The following HADHA variants were observed in gnomAD, a reference collection of about 807,000 sequenced individuals.
The protein encoded by HADHA is hydroxyacyl-CoA dehydrogenase trifunctional multienzyme complex subunit alpha.
A neutral mutation model predicts 91.3 loss-of-function variants in HADHA; 59 were observed. The ratio of observed to expected loss-of-function variants is 0.65; its 90% CI spans 0.52 to 0.80. HADHA has a LOEUF of 0.80. Ranked by LOEUF, HADHA falls within the 30% of genes least tolerant of loss-of-function variation. The probability of loss-of-function intolerance (pLI) is 0.00; values close to 1 mark genes in which losing one functional copy is unlikely to be tolerated. For missense variants in HADHA, 800 were observed against 927.6 expected, an observed-to-expected ratio of 0.86 and a Z score of 1.79; for synonymous variants, 320 against 338.9, an observed-to-expected ratio of 0.94 and a Z score of 0.61.
rs1670161881 is a variant in HADHA at position 26,214,055 on chromosome 2, A to C, written c.918+388T>G. On this transcript the variant is annotated intron_variant, in intron 9 of 19. Coordinates refer to ENST00000380649, the MANE Select transcript of HADHA (RefSeq NM_000182.5). The surrounding 1 kb of genome is among the most constrained non-coding windows in gnomAD (Gnocchi z 4.1). ...AATTACAGCAATGAAGAAGTCCTTGAGGGATTTTAGGTACTGACAATGATG... is the reference window on the plus strand; with the variant it reads ...AATTACAGCAATGAAGAAGTCCTTGCGGGATTTTAGGTACTGACAATGATG... 6.6e-6 allele frequency among the ~76,000 whole-genome samples: 1 copy of C among 152,226 alleles called. No homozygotes were observed. Among genetic ancestry groups the C allele is most frequent in the African/African-American group, 2.4e-5 (1 of 41,462 alleles).
intron 13 of HADHA, among the ~76,000 whole-genome samples, chr2:26,200,876 G>A (rs1217066520): frequency 6.6e-6 from 1 of 152,046 alleles, no homozygotes; most frequent in African/African-American, 2.4e-5. Flanking sequence ...GGGACTACAG[G>A]TGTGTGCCAC....
In HADHA at chr2:26,210,158, G is replaced by T. The variant is rs1040094850; in HGVS notation, c.976-269C>A. ...AGCTCTCAGATTCTTTACACCAGAG[G>T]TGTGGTAACCTTTTTCATAAAACTA... On this transcript the variant is annotated intron_variant, in intron 10 of 19. Transcript: ENST00000380649. The surrounding 1 kb of genome is among the most constrained non-coding windows in gnomAD (Gnocchi z 4.0). Among the ~76,000 whole-genome samples, 2 of 152,150 alleles carry T rather than the reference G, an allele frequency of 1.3e-5. No homozygotes were observed. The highest frequency in any genetic ancestry group is 6.5e-5 in the Admixed American group (1 of 15,284).
rs139807367 is a variant in HADHA, at chr2:26,234,278, T to C, written c.392A>G (p.Glu131Gly). The C allele has an allele frequency of 6.2e-7, 1 of 1,613,686 alleles. No homozygotes were observed. Among genetic ancestry groups the C allele is most frequent in the African/African-American group, 1.3e-5 (1 of 74,916 alleles). ...QEAQRIVEKL[E>G]KSTKPIVAAI... ...AGCCACAATAGGCTTTGTGGACTTTTCAAGTTTCTCAACTATTCTCTGTGC... is the reference window on the plus strand; with the variant it reads ...AGCCACAATAGGCTTTGTGGACTTTCCAAGTTTCTCAACTATTCTCTGTGC... The change falls in exon 5 of 20, where the codon GAA (glutamate) becomes GGA (glycine). Residue 131 changes from glutamate (E) to glycine (G), a missense_variant. Glu to Gly is a moderately conservative substitution (Grantham distance 98, BLOSUM62 -2). Transcript: ENST00000380649.
rs999451695 is a variant in HADHA at position 26,234,734 on chromosome 2, C to A, written c.315-379G>T. On this transcript the variant is annotated intron_variant, in intron 4 of 19. Coordinates refer to ENST00000380649, the MANE Select transcript of HADHA (RefSeq NM_000182.5). ...TGAGCCGAGATCGCGCCACTGCACT[C>A]CAGCCTGGGCGACAGAGTGAGACTC... Among the ~76,000 whole-genome samples, 3 of 150,530 alleles carry A rather than the reference C, an allele frequency of 2.0e-5. No homozygotes were observed. The East Asian group carries it at 5.9e-4, about 29-fold the overall frequency.
In HADHA at chr2:26,200,974, C is replaced by T. The variant is rs187665077; in HGVS notation, c.1392+175G>A. Among the ~76,000 whole-genome samples the T allele has an allele frequency of 6.6e-5, 10 of 152,246 alleles. No homozygotes were observed. In the East Asian group the frequency reaches 1.5e-3, roughly 23 times the overall value. Reference sequence around the variant, plus strand: ...GTCTCGAACTCCTTACCTCGTGATCCGCCCACCTCAGCCTCCCAAACTACT... The same window carrying T: ...GTCTCGAACTCCTTACCTCGTGATCTGCCCACCTCAGCCTCCCAAACTACT... On this transcript the variant is annotated intron_variant, in intron 13 of 19. Coordinates refer to ENST00000380649, the MANE Select transcript of HADHA (RefSeq NM_000182.5).
At chr2:26,194,804 C>T (rs547463650) in intron 15 of HADHA, among the ~76,000 whole-genome samples, 166 bp from the exon 16 acceptor site, 5 of 152,082 alleles carry the variant, frequency 3.3e-5, no homozygotes, top group African/African-American at 9.6e-5. Context: ...CAGGGGAAGC[C>T]GTACTAGGGG....
At chr2:26,238,715 C>T (rs971250609) in intron 3 of HADHA, among the ~76,000 whole-genome samples, 2 of 152,208 alleles carry the variant, frequency 1.3e-5, no homozygotes, top group South Asian at 2.1e-4. Context: ...CTGGTGGCAC[C>T]TAAGGTCAAC....
chr2:26,228,422 C>T (rs1053152928), intron 7 of HADHA, among the ~76,000 whole-genome samples: 15 of 152,072 alleles, frequency 9.9e-5, no homozygotes, highest in South Asian at 4.1e-4. Flanking sequence ...TGAGCCACCA[C>T]GCCCAGTCAC....
chr2:26,213,995 T>A (rs1044838719), intron 9 of HADHA, among the ~76,000 whole-genome samples: 3 of 152,272 alleles, frequency 2.0e-5, no homozygotes, highest in Non-Finnish European at 2.9e-5. Flanking sequence ...ATTGATCTTT[T>A]GCAGAGCTTC....
At chr2:26,200,891 C>T (rs1669813546) in intron 13 of HADHA, among the ~76,000 whole-genome samples, 1 of 152,090 alleles carries the variant, frequency 6.6e-6, no homozygotes, top group African/African-American at 2.4e-5. Flanking sequence ...TGCCACCATG[C>T]CCGGCTAATT....
rs1479255244 is a variant in HADHA at position 26,191,014 on chromosome 2, G to T, written c.*236C>A. ...CTTGGCTGCCACTCTAGGCCTCGGG[G>T]CTTATACAATGAGCAGTGGGCTCTA... On this transcript the variant is annotated 3_prime_UTR_variant, in exon 20 of 20. Transcript: ENST00000380649. 1.5e-5 allele frequency: 9 copies of T among 601,704 alleles called. No homozygotes were observed. Among genetic ancestry groups the T allele is most frequent in the Non-Finnish European group, 2.7e-5 (9 of 334,590 alleles). 37.3% of individuals were successfully genotyped at this position (601,704 alleles called of 1,614,324 possible). A position where few individuals can be genotyped will look rare whatever the true frequency, so the allele number is the denominator to read the frequency against.
rs575072564 is a variant in HADHA, at chr2:26,190,892, A to ATTG, written c.*355_*357dup. 840 of 370,742 alleles carry ATTG rather than the reference A, an allele frequency of 2.3e-3. 4 individuals carry two copies. The highest frequency in any genetic ancestry group is 0.017 in the African/African-American group (806 of 48,766). 23.0% of individuals were successfully genotyped at this position (370,742 alleles called of 1,614,324 possible). A position where few individuals can be genotyped will look rare whatever the true frequency, so the allele number is the denominator to read the frequency against. On this transcript the variant is annotated 3_prime_UTR_variant, in exon 20 of 20. Transcript: ENST00000380649. ...GATGCTGACACAGAGTTTGGTTTTT[A>ATTG]TTGTTATGTGTTTGGCTGGGTGCAG...
chr2:26,197,423 C>T (rs1410981048), intron 14 of HADHA, among the ~76,000 whole-genome samples: 4 of 152,172 alleles, frequency 2.6e-5, no homozygotes, highest in Non-Finnish European at 4.4e-5. Context: ...TCCTTCAATG[C>T]CTAATTCTAG....
In HADHA at chr2:26,215,188, A is replaced by G. The variant is rs767290130; in HGVS notation, c.677-13T>C. 2.5e-6 allele frequency: 4 copies of G among 1,612,620 alleles called. No individual in the cohort carries two copies. Among genetic ancestry groups the G allele is most frequent in the Non-Finnish European group, 3.4e-6 (4 of 1,178,856 alleles). On this transcript the variant is annotated splice_polypyrimidine_tract_variant and intron_variant, in intron 7 of 19. Coordinates refer to ENST00000380649, the MANE Select transcript of HADHA (RefSeq NM_000182.5). ...TTTAGTCCTGGTCCTATAAAAATGA[A>G]TGCAACACTGGAATGCAAATCAGGC... is the stretch of plus-strand genomic sequence containing the variant.
At chr2:26,205,133 A>G (rs1159765989) in intron 11 of HADHA, among the ~76,000 whole-genome samples, 1 of 152,144 alleles carries the variant, frequency 6.6e-6, no homozygotes, top group African/African-American at 2.4e-5. Context: ...CCTTTTGAGG[A>G]CCAGAGATCA....
chr2:26,215,566 A>G (rs1035707208), intron 7 of HADHA, among the ~76,000 whole-genome samples: 3 of 152,222 alleles, frequency 2.0e-5, no homozygotes, highest in Non-Finnish European at 4.4e-5. Flanking sequence ...CAAGGACAAC[A>G]TGAACTAAAA....
chr2:26,197,100 G>C (rs1486596348), intron 14 of HADHA, among the ~76,000 whole-genome samples: 1 of 152,210 alleles, frequency 6.6e-6, no homozygotes, highest in Non-Finnish European at 1.5e-5. Flanking sequence ...GTTCTGGTTA[G>C]CAGAGGCTAA....
At chr2:26,192,183 A>C in intron 18 of HADHA, 127 bp downstream of exon 18, 1 of 659,294 alleles carries the variant, frequency 1.5e-6, no homozygotes. Flanking sequence ...ATACCTATGT[A>C]ACAAACCTGC....
intron 7 of HADHA, among the ~76,000 whole-genome samples, chr2:26,226,361 T>C (rs535617863): frequency 1.3e-5 from 2 of 152,216 alleles, no homozygotes; most frequent in African/African-American, 2.4e-5. Context: ...GGAACTAGTA[T>C]GAGCAAAATA....
Sources: gnomAD v4.1 joint callset for allele counts (sites outside exome capture counted in the v4.1 genomes callset) on GRCh38, gnomAD v4.1.1 for gene constraint, Gnocchi (gnomAD v3.1) non-coding constraint, MANE v1.5 for transcripts, NCBI Gene and HGNC (gene_info 2026-07-23, HGNC 2026-07-21) for gene names.